Variants in BIRC2 observed in about 807,000 individuals in gnomAD.
BIRC2 encodes baculoviral IAP repeat-containing protein 2.
In BIRC2, 18 loss-of-function variants were observed where a neutral mutation model predicts 60.9. That is an observed-to-expected ratio of 0.30 (90% CI 0.20 to 0.44). The LOEUF (loss-of-function observed/expected upper bound fraction) is 0.44. Among genes scored for constraint, BIRC2 ranks in the 20% least tolerant of loss-of-function variants. The pLI is 1.00. For synonymous variants in BIRC2, 282 were observed against 247.7 expected, an observed-to-expected ratio of 1.14 and a Z score of -1.30; for missense variants, 701 against 728.5, an observed-to-expected ratio of 0.96 and a Z score of 0.43.
intron 3 of BIRC2, 111 bp downstream of exon 3, chr11:102,351,054 A>G (rs1951352804): frequency 1.1e-6 from 1 of 935,580 alleles, no homozygotes; most frequent in South Asian, 1.7e-5. Context: ...CTTTTATGCC[A>G]TTGGGGAATT....
chr11:102,373,062 T>A (rs1298148682), intron 6 of BIRC2, among the ~76,000 whole-genome samples: 2 of 150,660 alleles, frequency 1.3e-5, no homozygotes, highest in African/African-American at 2.4e-5. Flanking sequence ...TATGTGTGTC[T>A]CTGCACGTGA....
intron 3 of BIRC2, among the ~76,000 whole-genome samples, chr11:102,360,310 A>G (rs1042704352): frequency 2.6e-5 from 4 of 151,714 alleles, no homozygotes; most frequent in African/African-American, 9.7e-5. Context: ...ATGGTGTCCT[A>G]TAATTCAGGT....
chr11:102,347,867 C>A (rs942203165), intron 1 of BIRC2: 1 of 152,204 alleles, frequency 6.6e-6, no homozygotes, highest in African/African-American at 2.4e-5. Context: ...AGTTTCTATT[C>A]TTTTCCCTTC....
In BIRC2 at chr11:102,350,725, G is replaced by A. The variant is rs1301970995; in HGVS notation, c.871G>A (p.Ala291Thr). ...SSVPVQPEQL[A>T]SAGFYYVGRN... ...TGTTCCAGTTCAGCCTGAGCAGCTT[G>A]CAAGTGCTGGTTTTTATTATGTGGG... is the stretch of plus-strand genomic sequence containing the variant. Residue 291 changes from alanine to threonine, a missense_variant, in exon 2 of 9, where the codon GCA becomes ACA. This residue lies in a region of BIRC2 where 375 missense variants were observed against 365.9 expected (regional missense o/e 1.02). Transcript: ENST00000227758. The A allele has an allele frequency of 1.2e-6, 2 of 1,606,628 alleles. No homozygotes were observed. Among genetic ancestry groups the A allele is most frequent in the Middle Eastern group, 1.7e-4 (1 of 5,998 alleles).
chr11:102,372,083 G>T (rs576906945), intron 6 of BIRC2, among the ~76,000 whole-genome samples: 2 of 152,048 alleles, frequency 1.3e-5, no homozygotes, highest in Non-Finnish European at 2.9e-5. Flanking sequence ...TCTTGCTAGC[G>T]GTCTATCTAT....
chr11:102,373,787 C>T (rs1951665331), intron 6 of BIRC2, among the ~76,000 whole-genome samples: 1 of 151,758 alleles, frequency 6.6e-6, no homozygotes, highest in South Asian at 2.1e-4. Context: ...CCAATCTCCC[C>T]ATCACTTTCA....
At chr11:102,361,901 T>G (rs992288116) in intron 3 of BIRC2, among the ~76,000 whole-genome samples, 1 of 151,266 alleles carries the variant, frequency 6.6e-6, no homozygotes, top group Admixed American at 6.6e-5. Context: ...CTTCCAGAGC[T>G]GTATTTGTGT....
At position 102,376,428 on chromosome 11, in the gene BIRC2, A is replaced by G. The variant is rs35433396; in HGVS notation, c.1367-1068A>G. 2.0e-5 allele frequency among the ~76,000 whole-genome samples: 3 copies of G among 152,378 alleles called. No homozygotes were observed. The East Asian group carries it at 5.8e-4, about 29-fold the overall frequency. ...CAGAATGGAATTTTATAGTTTTGAG[A>G]TTAATAGAGCAGTTCACTTCTAGAG... On this transcript the variant is annotated intron_variant, in intron 6 of 8. Transcript: ENST00000227758.
intron 3 of BIRC2, among the ~76,000 whole-genome samples, chr11:102,352,742 T>C (rs901883091): frequency 4.6e-5 from 7 of 152,202 alleles, no homozygotes; most frequent in African/African-American, 7.2e-5. Context: ...CACCATTCTA[T>C]TTCTGTCTCT....
At position 102,363,715 on chromosome 11, in the gene BIRC2, A is replaced by G; in HGVS notation, c.1122A>G (p.Pro374=). The G allele has an allele frequency of 6.2e-7, 1 of 1,609,082 alleles. No homozygotes were observed. Among genetic ancestry groups the G allele is most frequent in the Non-Finnish European group, 8.5e-7 (1 of 1,176,106 alleles). Residue 374 remains proline, a splice_region_variant and synonymous_variant, in exon 5 of 9, where the codon CCA becomes CCG. Transcript: ENST00000227758. ...CTGGAGAAGAAAATGCTGACCCACCAAGTATGTATGAGATAATTTTAAGTA... is the reference window on the plus strand; with the variant it reads ...CTGGAGAAGAAAATGCTGACCCACCGAGTATGTATGAGATAATTTTAAGTA... ...DTTGEENADP[P]IIHFGPGESS...
Position 102,350,590 on chromosome 11 carries a change from A to G in BIRC2, c.736A>G (p.Asn246Asp), listed in dbSNP as rs145543164. 7.4e-6 allele frequency: 12 copies of G among 1,614,226 alleles called. No homozygotes were observed. In the African/African-American group the frequency reaches 1.5e-4, roughly 20 times the overall value. ...GTCAGAACACCGGAGGCATTTTCCC[A>G]ACTGTCCATTTTTGGAAAATTCTCT... is the stretch of plus-strand genomic sequence containing the variant. Reference protein sequence around the residue: ...AMSEHRRHFPNCPFLENSLET... With the variant: ...AMSEHRRHFPDCPFLENSLET... Residue 246 changes from asparagine (N) to aspartate (D), a missense_variant, in exon 2 of 9, where the codon AAC becomes GAC. Physicochemically the swap from Asn to Asp is conservative, Grantham distance 23. This residue lies in a region of BIRC2 where 375 missense variants were observed against 365.9 expected (regional missense o/e 1.02). Transcript: ENST00000227758.
At chr11:102,368,163 G>T in intron 5 of BIRC2, 143 bp from the exon 6 acceptor site, 1 of 928,874 alleles carries the variant, frequency 1.1e-6, no homozygotes, top group Non-Finnish European at 1.6e-6. Flanking sequence ...AACTTTTATT[G>T]GAGTTATAGG....
chr11:102,356,869 G>A (rs1460333193), intron 3 of BIRC2, among the ~76,000 whole-genome samples: 1 of 151,214 alleles, frequency 6.6e-6, no homozygotes, highest in African/African-American at 2.4e-5. Flanking sequence ...AGTAGAGATG[G>A]GGTTTCACCA....
rs182906329 is a variant in BIRC2 at position 102,350,902 on chromosome 11, T to C, written c.954T>C (p.Ser318=). ...ATGGTGGCTTGAGGTGTTGGGAATC[T>C]GGAGATGATCCATGGGTAGAACATG... ...CCDGGLRCWE[S]GDDPWVEHAK... is the part of the protein sequence containing the mutation. Residue 318 remains serine (S), a synonymous_variant, in exon 3 of 9, where the codon TCT becomes TCC. Transcript: ENST00000227758. The C allele has an allele frequency of 1.3e-3, 2,161 of 1,614,178 alleles. 7 individuals are homozygous for C. Among genetic ancestry groups the C allele is most frequent in the South Asian group, 3.9e-3 (355 of 91,076 alleles).
At chr11:102,352,037 C>T (rs1175355581) in intron 3 of BIRC2, among the ~76,000 whole-genome samples, 1 of 152,146 alleles carries the variant, frequency 6.6e-6, no homozygotes, top group Non-Finnish European at 1.5e-5. Flanking sequence ...AAACTGTCTA[C>T]CCATCAAGTA....
intron 6 of BIRC2, among the ~76,000 whole-genome samples, chr11:102,372,560 A>G (rs1591542581): frequency 6.6e-6 from 1 of 150,568 alleles, no homozygotes; most frequent in South Asian, 2.1e-4. Context: ...GTTCTTTTAC[A>G]TTTGCTGAGG....
chr11:102,349,791 C>A lies in BIRC2; in HGVS notation c.-64C>A. The stretch of plus-strand genomic sequence containing the variant: ...ATTGATTTCTTTTTGTGGTAAAAAT[C>A]TTAGTTCATGTGAAGAAATTTCATG... On this transcript the variant is annotated 5_prime_UTR_variant, in exon 2 of 9. Coordinates refer to ENST00000227758, the MANE Select transcript of BIRC2 (RefSeq NM_001166.5). 1 of 1,468,612 alleles carries A rather than the reference C, an allele frequency of 6.8e-7. No individual in the cohort carries two copies. The highest frequency in any genetic ancestry group is 9.2e-7 in the Non-Finnish European group (1 of 1,091,044). The allele number at this position is 1,468,612 out of a possible 1,614,324, so 91.0% of individuals were successfully genotyped here.
chr11:102,359,149 G>A (rs1230138601), intron 3 of BIRC2, among the ~76,000 whole-genome samples: 5 of 152,112 alleles, frequency 3.3e-5, no homozygotes, highest in African/African-American at 1.2e-4. Context: ...CTATCATGAG[G>A]TTTACATAGA....
At chr11:102,367,114 G>A (rs1444771641) in intron 5 of BIRC2, among the ~76,000 whole-genome samples, 1 of 152,168 alleles carries the variant, frequency 6.6e-6, no homozygotes, top group Admixed American at 6.6e-5. Flanking sequence ...ACTAAATGCT[G>A]TAGGCAATGC....
Sources: gnomAD v4.1 joint callset for allele counts (sites outside exome capture counted in the v4.1 genomes callset) on GRCh38, gnomAD v4.1.1 for gene constraint, gnomAD v4.1.1 regional missense constraint, MANE v1.5 for transcripts, NCBI Gene and HGNC (gene_info 2026-07-23, HGNC 2026-07-21) for gene names.